Variants in RPH3A observed in about 807,000 individuals in gnomAD.
RPH3A encodes the protein rabphilin 3A.
Under a neutral mutation model 102.2 loss-of-function variants are expected in RPH3A, and 48 were observed. The observed-to-expected ratio is 0.47, with a 90% CI of 0.37 to 0.60. The LOEUF (loss-of-function observed/expected upper bound fraction) is 0.60. Ranked by LOEUF, RPH3A falls within the 20% of genes least tolerant of loss-of-function variation. The pLI is 0.00. For missense variants in RPH3A, 781 were observed against 910.1 expected (o/e 0.86, Z 1.83); for synonymous variants, 310 against 324.3 (o/e 0.96, Z 0.47).
chr12:112,859,760 A>G (rs2042476038), intron 5 of RPH3A, among the ~76,000 whole-genome samples: 1 of 152,222 alleles, frequency 6.6e-6, no homozygotes. Flanking sequence ...GAGCCGCTTT[A>G]AAATGCAGGT....
chr12:112,632,912 G>A (rs576141354), intron 1 of RPH3A, among the ~76,000 whole-genome samples: 8 of 152,280 alleles, frequency 5.3e-5, no homozygotes, highest in African/African-American at 1.9e-4. Context: ...GATCTAGGGG[G>A]TTGGGTGTGG....
intron 16 of RPH3A, among the ~76,000 whole-genome samples, chr12:112,886,512 G>A (rs1398831145): frequency 6.6e-6 from 1 of 151,980 alleles, no homozygotes. Flanking sequence ...ACAGGAGGCG[G>A]AGCTGAAGTG....
chr12:112,830,429 TAA>T (rs2041949873), intron 3 of RPH3A, among the ~76,000 whole-genome samples: 1 of 152,222 alleles, frequency 6.6e-6, no homozygotes, highest in African/African-American at 2.4e-5. Context: ...TGAAATGTGT[TAA>T]GATTTGGCTT....
intron 2 of RPH3A, among the ~76,000 whole-genome samples, chr12:112,824,383 G>A (rs2041832152): frequency 6.6e-6 from 1 of 152,156 alleles, no homozygotes; most frequent in African/African-American, 2.4e-5. Flanking sequence ...AGCCCTTAGT[G>A]TAGCCCTTCA....
At chr12:112,833,394 G>GTCT (rs1291426297) in intron 3 of RPH3A, among the ~76,000 whole-genome samples, 4 of 152,148 alleles carry the variant, frequency 2.6e-5, no homozygotes, top group African/African-American at 7.2e-5. Context: ...GACCATGTAG[G>GTCT]TCTTTTATTT....
chr12:112,779,391 G>A (rs2040990975), intron 1 of RPH3A, among the ~76,000 whole-genome samples: 1 of 152,186 alleles, frequency 6.6e-6, no homozygotes, highest in Non-Finnish European at 1.5e-5. Flanking sequence ...TGGGAAGCAT[G>A]GCCTCATTTG....
intron 1 of RPH3A, among the ~76,000 whole-genome samples, chr12:112,768,443 C>T (rs1260508539): frequency 1.3e-5 from 2 of 152,216 alleles, no homozygotes; most frequent in Non-Finnish European, 2.9e-5. Flanking sequence ...CCATGTTGGC[C>T]TCTTGCTGCT....
intron 1 of RPH3A, among the ~76,000 whole-genome samples, chr12:112,610,059 C>CT (rs1415842797): frequency 6.6e-6 from 1 of 152,192 alleles, no homozygotes; most frequent in Non-Finnish European, 1.5e-5. Flanking sequence ...TCATCTTTTC[C>CT]TGCTTCCTTT....
chr12:112,834,981 T>G (rs1448647287), intron 3 of RPH3A, among the ~76,000 whole-genome samples: 2 of 152,220 alleles, frequency 1.3e-5, no homozygotes, highest in Non-Finnish European at 2.9e-5. Context: ...GAGAGGGATC[T>G]TGGAGAATTT....
At chr12:112,686,115 T>C (rs887833576) in intron 1 of RPH3A, among the ~76,000 whole-genome samples, 1 of 152,186 alleles carries the variant, frequency 6.6e-6, no homozygotes, top group Non-Finnish European at 1.5e-5. Flanking sequence ...ATCTGAGTCT[T>C]TCTGGGGTTT....
chr12:112,770,126 G>A (rs2040917761), intron 1 of RPH3A, among the ~76,000 whole-genome samples: 1 of 152,054 alleles, frequency 6.6e-6, no homozygotes, highest in Admixed American at 6.6e-5. Flanking sequence ...CCATAATACA[G>A]ATGTATCATG....
chr12:112,816,695 A>T (rs1344514717), intron 2 of RPH3A, among the ~76,000 whole-genome samples: 1 of 150,148 alleles, frequency 6.7e-6, no homozygotes, highest in Non-Finnish European at 1.5e-5. Context: ...TGAGAATTAT[A>T]TTATTATTAT....
At chr12:112,592,906 T>C (rs911873527) in intron 1 of RPH3A, among the ~76,000 whole-genome samples, 4 of 152,102 alleles carry the variant, frequency 2.6e-5, no homozygotes, top group Non-Finnish European at 5.9e-5. Flanking sequence ...CCTGTGTGAG[T>C]TTTCTGTGTT....
chr12:112,895,902 C>T (rs1236071160), intron 21 of RPH3A, 29 bp downstream of exon 21: 2 of 1,492,192 alleles, frequency 1.3e-6, no homozygotes, highest in Non-Finnish European at 1.9e-6. Flanking sequence ...AGAGAAAACG[C>T]CCTCTTCTGT....
rs142961576 is a variant in RPH3A, at chr12:112,812,527, G to T, written c.-18-15774G>T. Reference sequence around the variant, plus strand: ...TTACAGGGAGAAACCAGCATTTCAGGGTGTGAAAAAAGTTTTACATCATTC... The same window carrying T: ...TTACAGGGAGAAACCAGCATTTCAGTGTGTGAAAAAAGTTTTACATCATTC... On this transcript the variant is annotated intron_variant, in intron 2 of 21. Coordinates refer to ENST00000389385, the MANE Select transcript of RPH3A (RefSeq NM_001143854.2). 3.9e-5 allele frequency among the ~76,000 whole-genome samples: 6 copies of T among 152,226 alleles called. No homozygotes were observed. In the East Asian group the frequency reaches 1.2e-3, roughly 29 times the overall value.
intron 1 of RPH3A, among the ~76,000 whole-genome samples, chr12:112,629,174 A>G (rs745785240): frequency 1.3e-5 from 2 of 152,182 alleles, no homozygotes; most frequent in Non-Finnish European, 2.9e-5. Context: ...GCTCTAGATA[A>G]AAAAGGTTGT....
intron 20 of RPH3A, 107 bp from the exon 21 acceptor site, chr12:112,895,670 C>T (rs946739739): frequency 2.8e-6 from 2 of 705,426 alleles, no homozygotes; most frequent in African/African-American, 3.5e-5. Context: ...AGAATGCCAG[C>T]TCAAGGACCT....
At chr12:112,723,353 A>G (rs1246078487) in intron 1 of RPH3A, among the ~76,000 whole-genome samples, 1 of 152,224 alleles carries the variant, frequency 6.6e-6, no homozygotes, top group African/African-American at 2.4e-5. Context: ...AAGAAAATGT[A>G]ATTAAGAAAA....
chr12:112,874,237 A>C (rs2042756315), intron 10 of RPH3A: 1 of 152,222 alleles, frequency 6.6e-6, no homozygotes, highest in Non-Finnish European at 1.5e-5. Flanking sequence ...CATTCCATTC[A>C]GTCCCTCTCT....
Sources: allele counts gnomAD v4.1 joint callset (sites outside exome capture counted in the v4.1 genomes callset), GRCh38; gene constraint gnomAD v4.1.1; transcripts MANE v1.5; gene names NCBI Gene and HGNC (gene_info 2026-07-23, HGNC 2026-07-21).